The following BMERB1 variants were observed in gnomAD, a reference collection of about 807,000 sequenced individuals.
BMERB1 encodes the protein bMERB domain containing 1.
A neutral mutation model predicts 23.6 loss-of-function variants in BMERB1; 12 were observed. The ratio of observed to expected loss-of-function variants is 0.51; its 90% CI spans 0.33 to 0.82. The LOEUF (loss-of-function observed/expected upper bound fraction) is 0.82, where lower values mean the gene tolerates loss of function less well. Ranked by LOEUF, BMERB1 falls within the 40% of genes least tolerant of loss-of-function variation. The pLI is 0.03. For missense variants in BMERB1, 247 were observed against 255.4 expected (o/e 0.97, Z 0.22); for synonymous variants, 122 against 96.6 (o/e 1.26, Z -1.54).
chr16:15,464,044 G>A (rs959350946), intron 1 of BMERB1, among the ~76,000 whole-genome samples: 1 of 152,176 alleles, frequency 6.6e-6, no homozygotes, highest in African/African-American at 2.4e-5. Context: ...CGCGCACAGT[G>A]GCTCATGCCT....
chr16:15,481,678 G>GAATT (rs930394969), intron 1 of BMERB1, among the ~76,000 whole-genome samples: 1 of 151,812 alleles, frequency 6.6e-6, no homozygotes, highest in Admixed American at 6.6e-5. Context: ...TCTATAACAA[G>GAATT]AATTAATTAA....
intron 2 of BMERB1, among the ~76,000 whole-genome samples, chr16:15,520,944 G>C (rs1264940721): frequency 6.6e-6 from 1 of 152,172 alleles, no homozygotes; most frequent in East Asian, 1.9e-4. Context: ...CACATCCAGA[G>C]ATGAGATACC....
intron 1 of BMERB1, among the ~76,000 whole-genome samples, chr16:15,513,109 C>T (rs569274977): frequency 6.6e-6 from 1 of 152,064 alleles, no homozygotes; most frequent in South Asian, 2.1e-4. Context: ...GAGTCTCCCC[C>T]ACTACCGATC....
At chr16:15,560,431 T>G (rs2150969429) in intron 2 of BMERB1, among the ~76,000 whole-genome samples, 1 of 152,350 alleles carries the variant, frequency 6.6e-6, no homozygotes, top group African/African-American at 2.4e-5. Context: ...TTTGTACTTG[T>G]TTGTATTTTC....
intron 2 of BMERB1, among the ~76,000 whole-genome samples, chr16:15,522,514 T>G (rs747800172): frequency 3.3e-5 from 5 of 152,186 alleles, no homozygotes; most frequent in Non-Finnish European, 7.3e-5. Context: ...CTGGCTAGTT[T>G]TCTAGTGTTT....
intron 3 of BMERB1, among the ~76,000 whole-genome samples, chr16:15,574,286 CTGGTCTCTCCTTTGACACG>C (rs1424665533): frequency 1.3e-5 from 2 of 152,118 alleles, no homozygotes; most frequent in African/African-American, 4.8e-5. Context: ...TCACCTCCAC[CTGGTCTCTCCTTTGACACG>C]TGGGGATGAT....
rs1389091464 is a variant in BMERB1 at position 15,587,151 on chromosome 16, C to T, written c.*322C>T. ...TTCTCTCTAGCTGTATCTAACCCAC[C>T]GTGTGAATGAACTGGGAGAGGGGCA... is the stretch of plus-strand genomic sequence containing the variant. On this transcript the variant is annotated 3_prime_UTR_variant, in exon 6 of 6. Coordinates refer to ENST00000300006, the MANE Select transcript of BMERB1 (RefSeq NM_033201.3). The T allele has an allele frequency of 4.1e-5, 13 of 315,202 alleles. No individual in the cohort carries two copies. Among genetic ancestry groups the T allele is most frequent in the South Asian group, 1.7e-4 (4 of 23,166 alleles). The allele number at this position is 315,202 out of a possible 1,614,324, so 19.5% of individuals were successfully genotyped here. A position where few individuals can be genotyped will look rare whatever the true frequency, so the allele number is the denominator to read the frequency against.
At chr16:15,534,220 C>A (rs1280350832) in intron 2 of BMERB1, among the ~76,000 whole-genome samples, 1 of 148,356 alleles carries the variant, frequency 6.7e-6, no homozygotes, top group South Asian at 2.1e-4. Context: ...ATGTAACTGT[C>A]CCTCCAGCCC....
intron 1 of BMERB1, among the ~76,000 whole-genome samples, chr16:15,500,033 G>C (rs193238907): frequency 6.6e-6 from 1 of 152,158 alleles, no homozygotes; most frequent in African/African-American, 2.4e-5. Context: ...TTGAGTGAGG[G>C]GGGTAGAGGG....
intron 1 of BMERB1, among the ~76,000 whole-genome samples, chr16:15,508,921 G>T (rs532291561): frequency 4.8e-4 from 73 of 151,408 alleles, no homozygotes; most frequent in Admixed American, 2.0e-3. Flanking sequence ...GGATTCTAAC[G>T]ATTTGTATCT....
chr16:15,508,763 C>T (rs1462954721), intron 1 of BMERB1, among the ~76,000 whole-genome samples: 5 of 147,080 alleles, frequency 3.4e-5, no homozygotes, highest in Non-Finnish European at 5.9e-5. Flanking sequence ...GAGGTTGAGG[C>T]TGCAGTGAGC....
intron 1 of BMERB1, among the ~76,000 whole-genome samples, chr16:15,483,087 T>G (rs1404662972): frequency 6.6e-6 from 1 of 152,214 alleles, no homozygotes; most frequent in African/African-American, 2.4e-5. Context: ...TATTTTACTT[T>G]CCCATATCCT....
chr16:15,533,027 T>C (rs1049340509), intron 2 of BMERB1: 2 of 455,802 alleles, frequency 4.4e-6, no homozygotes, highest in African/African-American at 4.0e-5. Flanking sequence ...TCTCTGAGCC[T>C]CGGTGGCCTC....
At chr16:15,468,667 G>A (rs1490737984) in intron 1 of BMERB1, among the ~76,000 whole-genome samples, 1 of 152,052 alleles carries the variant, frequency 6.6e-6, no homozygotes, top group Non-Finnish European at 1.5e-5. Flanking sequence ...AGACTCTTTT[G>A]CAGAGCAAAG....
intron 2 of BMERB1, among the ~76,000 whole-genome samples, chr16:15,526,934 A>G (rs937984218): frequency 1.4e-5 from 2 of 148,020 alleles, no homozygotes; most frequent in Non-Finnish European, 3.0e-5. Context: ...AATAGTAAAT[A>G]ATAATAAAAT....
chr16:15,518,637 G>A (rs1471351229), intron 2 of BMERB1, among the ~76,000 whole-genome samples: 1 of 152,196 alleles, frequency 6.6e-6, no homozygotes, highest in Non-Finnish European at 1.5e-5. Context: ...AAGCTGTGGG[G>A]CTTATCCTGT....
At chr16:15,581,035 T>G (rs1334745665) in intron 3 of BMERB1, among the ~76,000 whole-genome samples, 182 bp from the exon 4 acceptor site, 2 of 152,062 alleles carry the variant, frequency 1.3e-5, no homozygotes, top group African/African-American at 2.4e-5. Flanking sequence ...GCTGACAGCC[T>G]CCCGAGTAGC....
intron 1 of BMERB1, among the ~76,000 whole-genome samples, chr16:15,451,183 T>C (rs1348462074): frequency 6.6e-6 from 1 of 152,212 alleles, no homozygotes; most frequent in Non-Finnish European, 1.5e-5. Context: ...TTGTTTGTTT[T>C]GTTTGTTCGT....
At chr16:15,498,812 T>C (rs1401471916) in intron 1 of BMERB1, among the ~76,000 whole-genome samples, 1 of 152,202 alleles carries the variant, frequency 6.6e-6, no homozygotes, top group African/African-American at 2.4e-5. Flanking sequence ...GAGGACATTT[T>C]GGGTTGGGGA....
Sources: gnomAD v4.1 joint callset for allele counts (sites outside exome capture counted in the v4.1 genomes callset) on GRCh38, gnomAD v4.1.1 for gene constraint, MANE v1.5 for transcripts, NCBI Gene and HGNC (gene_info 2026-07-23, HGNC 2026-07-21) for gene names.